The following CNTNAP2 variants were observed in gnomAD, a reference collection of about 807,000 sequenced individuals.
CNTNAP2 encodes contactin-associated protein-like 2.
CNTNAP2 carries 98 observed loss-of-function variants against 155.2 expected under a neutral mutation model. The ratio of observed to expected loss-of-function variants is 0.63; its 90% CI spans 0.54 to 0.75. The LOEUF (loss-of-function observed/expected upper bound fraction) is 0.75, where lower values mean the gene tolerates loss of function less well. Ranked by LOEUF, CNTNAP2 falls within the 30% of genes least tolerant of loss-of-function variation. The pLI is 0.00. For missense variants in CNTNAP2, 1,727 were observed against 1,688.1 expected (o/e 1.02, Z -0.40); for synonymous variants, 651 against 631.2 (o/e 1.03, Z -0.47).
chr7:146,748,781 CTA>C (rs1207927282), intron 1 of CNTNAP2, among the ~76,000 whole-genome samples: 6 of 152,156 alleles, frequency 3.9e-5, no homozygotes, highest in Admixed American at 3.9e-4. Flanking sequence ...ATTAAGAACA[CTA>C]TGGAATTTCT....
intron 1 of CNTNAP2, among the ~76,000 whole-genome samples, chr7:146,432,758 A>T (rs1796189959): frequency 1.3e-5 from 2 of 152,204 alleles, no homozygotes; most frequent in South Asian, 4.1e-4. Flanking sequence ...TGTGAAGAGC[A>T]AAACCAAAAC....
intron 21 of CNTNAP2, among the ~76,000 whole-genome samples, chr7:148,350,014 C>A (rs1798400071): frequency 6.6e-6 from 1 of 152,120 alleles, no homozygotes; most frequent in Non-Finnish European, 1.5e-5. Context: ...TTTGATGTAT[C>A]ATTTTGGCCT....
intron 13 of CNTNAP2, among the ~76,000 whole-genome samples, chr7:147,679,952 A>G (rs1404306528): frequency 6.6e-6 from 1 of 151,598 alleles, no homozygotes; most frequent in African/African-American, 2.4e-5. Context: ...AAATTGGTCA[A>G]CTCTGAATAT....
intron 1 of CNTNAP2, among the ~76,000 whole-genome samples, chr7:146,664,253 C>T (rs560677286): frequency 8.0e-4 from 118 of 148,132 alleles, no homozygotes; most frequent in Non-Finnish European, 1.3e-3. Context: ...CCTCCGCCTC[C>T]GGAGTTCAAG....
intron 18 of CNTNAP2, among the ~76,000 whole-genome samples, chr7:148,184,267 TA>T (rs1192550874): frequency 6.6e-6 from 1 of 151,956 alleles, no homozygotes; most frequent in Non-Finnish European, 1.5e-5. Flanking sequence ...CCCATCTCTA[TA>T]AAAAAAATAA....
At chr7:148,213,190 C>T (rs938853210) in intron 18 of CNTNAP2, among the ~76,000 whole-genome samples, 5 of 152,116 alleles carry the variant, frequency 3.3e-5, no homozygotes, top group African/African-American at 1.2e-4. Context: ...CACCTGGGGA[C>T]CTGCGAAAAA....
intron 21 of CNTNAP2, among the ~76,000 whole-genome samples, chr7:148,273,317 A>G (rs1796815561): frequency 6.6e-6 from 1 of 152,180 alleles, no homozygotes; most frequent in Non-Finnish European, 1.5e-5. Context: ...TCCATTGGCA[A>G]CTAGGGGGAT....
intron 13 of CNTNAP2, among the ~76,000 whole-genome samples, chr7:147,782,055 G>A (rs1797669344): frequency 6.6e-6 from 1 of 151,226 alleles, no homozygotes; most frequent in Non-Finnish European, 1.5e-5. Context: ...CATCAAAGTT[G>A]GGGTGACTAT....
intron 12 of CNTNAP2, among the ~76,000 whole-genome samples, chr7:147,624,368 T>C (rs553484028): frequency 2.0e-5 from 3 of 152,234 alleles, no homozygotes; most frequent in East Asian, 1.9e-4. Flanking sequence ...TGAGATGGTG[T>C]TAATAACCAG....
intron 13 of CNTNAP2, among the ~76,000 whole-genome samples, chr7:147,739,044 T>G (rs1431141415): frequency 6.6e-6 from 1 of 152,176 alleles, no homozygotes; most frequent in Non-Finnish European, 1.5e-5. Context: ...TTGAACCAAG[T>G]GTACGATATC....
At chr7:148,355,624 G>T (rs1031278745) in intron 21 of CNTNAP2, among the ~76,000 whole-genome samples, 1 of 152,152 alleles carries the variant, frequency 6.6e-6, no homozygotes, top group Non-Finnish European at 1.5e-5. Flanking sequence ...TCAGAATGGC[G>T]TTCCCATAAG....
rs910537872 is a variant in CNTNAP2 at position 148,348,130 on chromosome 7, A to G, written c.3476-35519A>G. On this transcript the variant is annotated intron_variant, in intron 21 of 23. Coordinates refer to ENST00000361727, the MANE Select transcript of CNTNAP2 (RefSeq NM_014141.6). ...GAAGTCTAACACTGTTTCTCTGGTC[A>G]GAGGGATCAGACAAAGAGAGCTCTG... is the stretch of plus-strand genomic sequence containing the variant. Among the ~76,000 whole-genome samples, 4 of 152,314 alleles carry G rather than the reference A, an allele frequency of 2.6e-5. No homozygotes were observed. The East Asian group carries it at 7.7e-4, about 29-fold the overall frequency.
chr7:147,504,550 G>A (rs1052199350), intron 11 of CNTNAP2, among the ~76,000 whole-genome samples: 5 of 151,640 alleles, frequency 3.3e-5, no homozygotes, highest in South Asian at 4.2e-4. Context: ...TTAGCTGGGC[G>A]TGGTGTTACG....
In CNTNAP2 at chr7:146,441,300, T is replaced by A. The variant is rs187479598; in HGVS notation, c.97+324327T>A. On this transcript the variant is annotated intron_variant, in intron 1 of 23. Transcript: ENST00000361727. Reference sequence around the variant, plus strand: ...ATTCTTCTGGGTTGGCAAAATAAAATTTTTTGGGGGGTTTGTGACTAAGTT... The same window carrying A: ...ATTCTTCTGGGTTGGCAAAATAAAAATTTTTGGGGGGTTTGTGACTAAGTT... 5.7e-4 allele frequency among the ~76,000 whole-genome samples: 87 copies of A among 151,570 alleles called. 5 individuals carry two copies. The highest frequency in any genetic ancestry group is 4.2e-3 in the Admixed American group (64 of 15,266).
chr7:148,261,945 G>A (rs1796570466), intron 20 of CNTNAP2, among the ~76,000 whole-genome samples: 1 of 152,208 alleles, frequency 6.6e-6, no homozygotes, highest in Admixed American at 6.5e-5. Context: ...GAGAAAGCTT[G>A]ACATTGTGCT....
rs867536603 is a variant in CNTNAP2 at position 147,407,454 on chromosome 7, C to T, written c.1670+11674C>T. Among the ~76,000 whole-genome samples, 187 of 119,052 alleles carry T rather than the reference C, an allele frequency of 1.6e-3. 7 individuals are homozygous for T. Among genetic ancestry groups the T allele is most frequent in the African/African-American group, 5.5e-3 (171 of 30,968 alleles). 78.1% of individuals were successfully genotyped at this position (119,052 alleles called of 152,430 possible). On this transcript the variant is annotated intron_variant, in intron 10 of 23. Transcript: ENST00000361727. ...CTGCACTCCAGCCTGGGCAACAGAG[C>T]GAGACTCCCTCTCAAAAAAAAAAAA...
chr7:146,935,062 T>C (rs1283835567), intron 3 of CNTNAP2, among the ~76,000 whole-genome samples: 1 of 152,198 alleles, frequency 6.6e-6, no homozygotes, highest in Non-Finnish European at 1.5e-5. Flanking sequence ...AATTTCACAA[T>C]TGAGAGGCGT....
At chr7:147,017,845 C>G (rs1798751443) in intron 3 of CNTNAP2, among the ~76,000 whole-genome samples, 1 of 151,930 alleles carries the variant, frequency 6.6e-6, no homozygotes, top group Non-Finnish European at 1.5e-5. Flanking sequence ...AGAATATGAT[C>G]AATGAATGAA....
At chr7:146,148,951 G>A (rs1797994166) in intron 1 of CNTNAP2, among the ~76,000 whole-genome samples, 1 of 150,076 alleles carries the variant, frequency 6.7e-6, no homozygotes, top group Non-Finnish European at 1.5e-5. Context: ...CTCCATATAT[G>A]TCAAAGACTC....
Sources: allele counts gnomAD v4.1 joint callset (sites outside exome capture counted in the v4.1 genomes callset), GRCh38; gene constraint gnomAD v4.1.1; transcripts MANE v1.5; gene names NCBI Gene and HGNC (gene_info 2026-07-23, HGNC 2026-07-21).